Variants in RAP2B observed in about 807,000 individuals in gnomAD.
The protein encoded by RAP2B is RAP2B, member of RAS oncogene family, also known as ras-related protein Rap-2b.
In RAP2B, 6 loss-of-function variants were observed where a neutral mutation model predicts 14.4. The observed-to-expected ratio is 0.42, with a 90% confidence interval of 0.23 to 0.82. RAP2B has a LOEUF of 0.82. Among genes scored for constraint, RAP2B ranks in the 40% least tolerant of loss-of-function variants. The pLI is 0.30. For synonymous variants in RAP2B, 118 were observed against 113.2 expected, an observed-to-expected ratio of 1.04 and a Z score of -0.27; for missense variants, 137 against 248.2, an observed-to-expected ratio of 0.55 and a Z score of 3.01.
chr3:153,163,660 C>CTTTTTTTT lies in RAP2B; in HGVS notation c.*418_*419insTTTTTTTT, dbSNP rs1713484582. 15 of 81,122 alleles carry CTTTTTTTT rather than the reference C, an allele frequency of 1.8e-4. No individual in the cohort carries two copies. Among genetic ancestry groups the CTTTTTTTT allele is most frequent in the South Asian group, 4.4e-4 (1 of 2,256 alleles). 5.0% of individuals were successfully genotyped at this position (81,122 alleles called of 1,614,324 possible). ...GTTTTTTTTTTTTTTTTTCTATTTTCTTTCTTTTTTTTTTTTTTTTTTTTT... is the reference window on the plus strand; with the variant it reads ...GTTTTTTTTTTTTTTTTTCTATTTTCTTTTTTTTTTTCTTTTTTTTTTTTTTTTTTTTT... On this transcript the variant is annotated 3_prime_UTR_variant, in exon 1 of 1. Coordinates refer to ENST00000323534, the MANE Select transcript of RAP2B (RefSeq NM_002886.4).
chr3:153,163,029 C>T lies in RAP2B; in HGVS notation c.336C>T (p.Ile112=). ...RVKRYERVPM[I]LVGNKVDLEG... ...AGCGGTACGAGCGCGTGCCCATGAT[C>T]CTGGTGGGCAACAAGGTGGACCTGG... The change falls in exon 1 of 1, where the codon ATC becomes ATT. Residue 112 remains isoleucine (I), a synonymous_variant. Transcript: ENST00000323534. 6.2e-7 allele frequency: 1 copy of T among 1,614,140 alleles called. No homozygotes were observed. The highest frequency in any genetic ancestry group is 2.2e-5 in the East Asian group (1 of 44,870).
chr3:153,163,296 C>A lies in RAP2B; in HGVS notation c.*51C>A. ...TCTGCGCACAAAAGCCAAACGCATC[C>A]GACTCTCTAAATGTGATTTATTTCT... On this transcript the variant is annotated 3_prime_UTR_variant, in exon 1 of 1. Transcript: ENST00000323534. The A allele has an allele frequency of 6.7e-7, 1 of 1,483,854 alleles. No individual in the cohort carries two copies. The highest frequency in any genetic ancestry group is 8.9e-7 in the Non-Finnish European group (1 of 1,118,994). The allele number at this position is 1,483,854 out of a possible 1,614,324, so 91.9% of individuals were successfully genotyped here. A position where few individuals can be genotyped will look rare whatever the true frequency, so the allele number is the denominator to read the frequency against.
chr3:153,163,540 T>C lies in RAP2B; in HGVS notation c.*295T>C. ...CGTTTAAGTAGCCGTTAGGGCGCAGTATCGGCAGCTTGACACCCACCAAGC... is the reference window on the plus strand; with the variant it reads ...CGTTTAAGTAGCCGTTAGGGCGCAGCATCGGCAGCTTGACACCCACCAAGC... On this transcript the variant is annotated 3_prime_UTR_variant, in exon 1 of 1. Transcript: ENST00000323534. 1 of 332,298 alleles carries C rather than the reference T, an allele frequency of 3.0e-6. No individual in the cohort carries two copies. The highest frequency in any genetic ancestry group is 5.7e-6 in the Non-Finnish European group (1 of 174,548). The allele number at this position is 332,298 out of a possible 1,614,324, so 20.6% of individuals were successfully genotyped here. A position where few individuals can be genotyped will look rare whatever the true frequency, so the allele number is the denominator to read the frequency against.
Position 153,168,470 on chromosome 3 carries a change from G to T in RAP2B, c.*5225G>T, listed in dbSNP as rs1713639758. 1 of 165,816 alleles carries T rather than the reference G, an allele frequency of 6.0e-6. No homozygotes were observed. Among genetic ancestry groups the T allele is most frequent in the Non-Finnish European group, 1.5e-5 (1 of 68,048 alleles). 10.3% of individuals were successfully genotyped at this position (165,816 alleles called of 1,614,324 possible). ...GCCTCAAGAATAATAAATATTTTTGGTTAAAATTTTTTTTGTTCAACCCTG... is the reference window on the plus strand; with the variant it reads ...GCCTCAAGAATAATAAATATTTTTGTTTAAAATTTTTTTTGTTCAACCCTG... On this transcript the variant is annotated 3_prime_UTR_variant, in exon 1 of 1. Transcript: ENST00000323534.
Position 153,170,378 on chromosome 3 carries a change from C to G in RAP2B, c.*7133C>G, listed in dbSNP as rs1041164321. The G allele has an allele frequency of 3.3e-5, 5 of 152,194 alleles. No homozygotes were observed. Among genetic ancestry groups the G allele is most frequent in the African/African-American group, 2.4e-5 (1 of 41,440 alleles). 9.4% of individuals were successfully genotyped at this position (152,194 alleles called of 1,614,324 possible). A position where few individuals can be genotyped will look rare whatever the true frequency, so the allele number is the denominator to read the frequency against. On this transcript the variant is annotated 3_prime_UTR_variant, in exon 1 of 1. Transcript: ENST00000323534. ...CATACTACTATTATTAATAGCTGTA[C>G]TGCGAGCGCTAATACTTAAAAGAGG...
In RAP2B at chr3:153,166,619, C is replaced by A. The variant is rs2108016649; in HGVS notation, c.*3374C>A. 6.0e-6 allele frequency: 1 copy of A among 167,096 alleles called. No homozygotes were observed. Among genetic ancestry groups the A allele is most frequent in the African/African-American group, 2.4e-5 (1 of 41,540 alleles). The allele number at this position is 167,096 out of a possible 1,614,324, so 10.4% of individuals were successfully genotyped here. On this transcript the variant is annotated 3_prime_UTR_variant, in exon 1 of 1. Coordinates refer to ENST00000323534, the MANE Select transcript of RAP2B (RefSeq NM_002886.4). ...TATTTTTGTCCTCCTTTTTTAATAG[C>A]TTCAGGAAAGTTAAAGGTATCATCT...
chr3:153,162,327 C>A lies in RAP2B; in HGVS notation c.-367C>A, dbSNP rs983000177. ...CCCGGCCCGACGCGCAATTAGCAGC[C>A]ACCTCCGCAGCCCGCCGCCACCGCC... On this transcript the variant is annotated 5_prime_UTR_variant, in exon 1 of 1. Transcript: ENST00000323534. This position sits in a 1 kb window ranked among gnomAD's most constrained non-coding sequence, Gnocchi z 4.9. 7 of 164,100 alleles carry A rather than the reference C, an allele frequency of 4.3e-5. No individual in the cohort carries two copies. Among genetic ancestry groups the A allele is most frequent in the Non-Finnish European group, 6.5e-5 (5 of 76,462 alleles). The allele number at this position is 164,100 out of a possible 1,614,324, so 10.2% of individuals were successfully genotyped here.
Position 153,163,035 on chromosome 3 carries a change from G to T in RAP2B, c.342G>T (p.Val114=). The change falls in exon 1 of 1, where the codon GTG becomes GTT. Residue 114 remains valine, a synonymous_variant. Transcript: ENST00000323534. ...ACGAGCGCGTGCCCATGATCCTGGT[G>T]GGCAACAAGGTGGACCTGGAGGGTG... The part of the protein sequence containing the change: ...KRYERVPMIL[V]GNKVDLEGER... 1 of 1,614,164 alleles carries T rather than the reference G, an allele frequency of 6.2e-7. No individual in the cohort carries two copies. Among genetic ancestry groups the T allele is most frequent in the Non-Finnish European group, 8.5e-7 (1 of 1,180,038 alleles).
In RAP2B at chr3:153,163,399, T is replaced by G; in HGVS notation, c.*154T>G. On this transcript the variant is annotated 3_prime_UTR_variant, in exon 1 of 1. Coordinates refer to ENST00000323534, the MANE Select transcript of RAP2B (RefSeq NM_002886.4). ...GCTGGCCTCCGCGGCCGGCGTCCCC[T>G]GCCTCCACCCTGTGCCCGAGGGGGT... The G allele has an allele frequency of 1.9e-6, 2 of 1,053,188 alleles. No individual in the cohort carries two copies. The highest frequency in any genetic ancestry group is 2.7e-6 in the Non-Finnish European group (2 of 738,608). 65.2% of individuals were successfully genotyped at this position (1,053,188 alleles called of 1,614,324 possible).
chr3:153,163,058 G>T lies in RAP2B; in HGVS notation c.365G>T (p.Gly122Val). The T allele has an allele frequency of 6.2e-7, 1 of 1,614,102 alleles. No individual in the cohort carries two copies. Among genetic ancestry groups the T allele is most frequent in the Admixed American group, 1.7e-5 (1 of 60,034 alleles). ...GTGGGCAACAAGGTGGACCTGGAGG[G>T]TGAGCGCGAGGTCTCGTACGGGGAG... The part of the protein sequence containing the change: ...ILVGNKVDLE[G>V]EREVSYGEGK... The change falls in exon 1 of 1, where the codon GGT becomes GTT. Residue 122 changes from glycine to valine, a missense_variant. Around this residue, in one of 2 missense-constraint regions of RAP2B, gnomAD observed 106 missense variants for 143.5 expected, o/e 0.74. Transcript: ENST00000323534.
In RAP2B at chr3:153,166,081, C is replaced by T. The variant is rs2108016428; in HGVS notation, c.*2836C>T. ...GCTGGGTGCGTTAATCACCTCCGCC[C>T]AGGATTTAGTCACTTGCAGGACCTC... On this transcript the variant is annotated 3_prime_UTR_variant, in exon 1 of 1. Transcript: ENST00000323534. The T allele has an allele frequency of 6.0e-6, 1 of 167,124 alleles. No homozygotes were observed. The highest frequency in any genetic ancestry group is 2.1e-4 in the South Asian group (1 of 4,822). The allele number at this position is 167,124 out of a possible 1,614,324, so 10.4% of individuals were successfully genotyped here.
At position 153,162,537 on chromosome 3, in the gene RAP2B, C is replaced by A. The variant is rs1713433606; in HGVS notation, c.-157C>A. 2.2e-6 allele frequency: 2 copies of A among 892,016 alleles called. No homozygotes were observed. Among genetic ancestry groups the A allele is most frequent in the South Asian group, 2.2e-5 (1 of 46,144 alleles). 55.3% of individuals were successfully genotyped at this position (892,016 alleles called of 1,614,324 possible). Reference sequence around the variant, plus strand: ...GCCGGCCCGGCGCCCGGCCTCCGTTCGGTGGTTTCCGCCCTGCGTTCTCTG... The same window carrying A: ...GCCGGCCCGGCGCCCGGCCTCCGTTAGGTGGTTTCCGCCCTGCGTTCTCTG... On this transcript the variant is annotated 5_prime_UTR_variant, in exon 1 of 1. Coordinates refer to ENST00000323534, the MANE Select transcript of RAP2B (RefSeq NM_002886.4). This position sits in a 1 kb window ranked among gnomAD's most constrained non-coding sequence, Gnocchi z 4.9.
At position 153,170,208 on chromosome 3, in the gene RAP2B, G is replaced by T. The variant is rs1371689830; in HGVS notation, c.*6963G>T. On this transcript the variant is annotated 3_prime_UTR_variant, in exon 1 of 1. Coordinates refer to ENST00000323534, the MANE Select transcript of RAP2B (RefSeq NM_002886.4). The stretch of plus-strand genomic sequence containing the variant: ...AAGGTAGCAAAATTTTTTAAAAAAT[G>T]GAAAAGAGAAAGATTATTGATGCCT... 1 of 152,102 alleles carries T rather than the reference G, an allele frequency of 6.6e-6. No homozygotes were observed. Among genetic ancestry groups the T allele is most frequent in the East Asian group, 1.9e-4 (1 of 5,198 alleles). The allele number at this position is 152,102 out of a possible 1,614,324, so 9.4% of individuals were successfully genotyped here.
rs1713648483 is a variant in RAP2B, at chr3:153,168,825, T to C, written c.*5580T>C. 6.6e-6 allele frequency: 1 copy of C among 152,208 alleles called. No homozygotes were observed. Among genetic ancestry groups the C allele is most frequent in the East Asian group, 1.9e-4 (1 of 5,200 alleles). The allele number at this position is 152,208 out of a possible 1,614,324, so 9.4% of individuals were successfully genotyped here. ...TTACAGACATTTATGGTTGATAGTT[T>C]GAGATCTATGACAGTTTTAGGGAGC... On this transcript the variant is annotated 3_prime_UTR_variant, in exon 1 of 1. Transcript: ENST00000323534.
rs1036759525 is a variant in RAP2B, at chr3:153,162,589, C to T, written c.-105C>T. Reference sequence around the variant, plus strand: ...GTTGCTCTCTCCTGGGTTTTTCCTGCGTAGCTGAGGAAGGGGAAGAGAAGT... The same window carrying T: ...GTTGCTCTCTCCTGGGTTTTTCCTGTGTAGCTGAGGAAGGGGAAGAGAAGT... On this transcript the variant is annotated 5_prime_UTR_variant, in exon 1 of 1. Transcript: ENST00000323534. The surrounding 1 kb of genome is among the most constrained non-coding windows in gnomAD (Gnocchi z 4.9). 22 of 1,312,306 alleles carry T rather than the reference C, an allele frequency of 1.7e-5. No homozygotes were observed. The highest frequency in any genetic ancestry group is 2.0e-4 in the Middle Eastern group (1 of 5,026). The allele number at this position is 1,312,306 out of a possible 1,614,324, so 81.3% of individuals were successfully genotyped here.
chr3:153,162,523 G>C lies in RAP2B; in HGVS notation c.-171G>C. ...TGCCGCCGCCGCCGGCCGGCCCGGC[G>C]CCCGGCCTCCGTTCGGTGGTTTCCG... On this transcript the variant is annotated 5_prime_UTR_variant, in exon 1 of 1. Coordinates refer to ENST00000323534, the MANE Select transcript of RAP2B (RefSeq NM_002886.4). This position sits in a 1 kb window ranked among gnomAD's most constrained non-coding sequence, Gnocchi z 4.9. 1.4e-6 allele frequency: 1 copy of C among 738,540 alleles called. No individual in the cohort carries two copies. The highest frequency in any genetic ancestry group is 2.0e-6 in the Non-Finnish European group (1 of 511,964). 45.7% of individuals were successfully genotyped at this position (738,540 alleles called of 1,614,324 possible).
rs945286335 is a variant in RAP2B at position 153,162,247 on chromosome 3, C to A, written c.-447C>A. ...GCCCAGTAGAGGCTGTGGGAGAGAG[C>A]GCGATGGGCCGCGGCGGTGGGCGCA... On this transcript the variant is annotated 5_prime_UTR_variant, in exon 1 of 1. Coordinates refer to ENST00000323534, the MANE Select transcript of RAP2B (RefSeq NM_002886.4). The surrounding 1 kb of genome is among the most constrained non-coding windows in gnomAD (Gnocchi z 4.9). 1 of 152,816 alleles carries A rather than the reference C, an allele frequency of 6.5e-6. No homozygotes were observed. The highest frequency in any genetic ancestry group is 2.4e-5 in the African/African-American group (1 of 41,442). The allele number at this position is 152,816 out of a possible 1,614,324, so 9.5% of individuals were successfully genotyped here.
rs1014132167 is a variant in RAP2B, at chr3:153,167,717, C to A, written c.*4472C>A. On this transcript the variant is annotated 3_prime_UTR_variant, in exon 1 of 1. Transcript: ENST00000323534. ...ATAAACATTGCAGGTAGTTTTTGAT[C>A]ATTTTCACATTATTACAGGAACATT... The A allele has an allele frequency of 1.7e-4, 29 of 167,142 alleles. 2 individuals carry two copies. The highest frequency in any genetic ancestry group is 1.6e-3 in the Admixed American group (24 of 15,296). The allele number at this position is 167,142 out of a possible 1,614,324, so 10.4% of individuals were successfully genotyped here. A position where few individuals can be genotyped will look rare whatever the true frequency, so the allele number is the denominator to read the frequency against.
In RAP2B at chr3:153,162,969, C is replaced by T; in HGVS notation, c.276C>T (p.Asp92=). The T allele has an allele frequency of 3.1e-6, 5 of 1,614,140 alleles. No homozygotes were observed. Among genetic ancestry groups the T allele is most frequent in the Non-Finnish European group, 4.2e-6 (5 of 1,180,036 alleles). The stretch of plus-strand genomic sequence containing the variant: ...TCGTCAACCAGCAGAGCTTCCAGGA[C>T]ATCAAGCCCATGCGGGACCAGATCA... ...YSLVNQQSFQ[D]IKPMRDQIIR... is the part of the protein sequence containing the mutation. The change falls in exon 1 of 1, where the codon GAC becomes GAT. Residue 92 remains aspartate, a synonymous_variant. Transcript: ENST00000323534. This position sits in a 1 kb window ranked among gnomAD's most constrained non-coding sequence, Gnocchi z 4.9.
Sources: gnomAD v4.1 joint callset for allele counts on GRCh38, gnomAD v4.1.1 for gene constraint, gnomAD v4.1.1 regional missense constraint, Gnocchi (gnomAD v3.1) non-coding constraint, MANE v1.5 for transcripts, NCBI Gene and HGNC (gene_info 2026-07-23, HGNC 2026-07-21) for gene names.